The following IGF1R variants were observed in gnomAD, a reference collection of about 807,000 sequenced individuals.
The protein encoded by IGF1R is insulin like growth factor 1 receptor, also known as insulin-like growth factor 1 receptor.
IGF1R carries 44 observed loss-of-function variants against 144.6 expected under a neutral mutation model. That is an observed-to-expected ratio of 0.30 (90% confidence interval 0.24 to 0.39). The LOEUF (loss-of-function observed/expected upper bound fraction) is 0.39, where lower values mean the gene tolerates loss of function less well. Ranked by LOEUF, IGF1R falls within the 10% of genes least tolerant of loss-of-function variation. The probability of loss-of-function intolerance (pLI) is 1.00; values close to 1 mark genes in which losing one functional copy is unlikely to be tolerated. For synonymous variants in IGF1R, 795 were observed against 722.8 expected (o/e 1.10, Z -1.60); for missense variants, 1,355 against 1,833.7 (o/e 0.74, Z 4.77).
chr15:98,741,820 C>T (rs1306245162), intron 2 of IGF1R, among the ~76,000 whole-genome samples: 4 of 152,136 alleles, frequency 2.6e-5, no homozygotes, highest in African/African-American at 9.7e-5. Flanking sequence ...CTGTTTTTCT[C>T]CTCCTCCATG....
chr15:98,850,662 C>T (rs1386359809), intron 2 of IGF1R, among the ~76,000 whole-genome samples: 1 of 152,138 alleles, frequency 6.6e-6, no homozygotes, highest in Non-Finnish European at 1.5e-5. Flanking sequence ...AAAAGCATAA[C>T]TGGCAGAGGA....
chr15:98,674,449 T>C (rs1196985370), intron 1 of IGF1R, among the ~76,000 whole-genome samples: 1 of 152,084 alleles, frequency 6.6e-6, no homozygotes, highest in East Asian at 1.9e-4. Flanking sequence ...TCCAGAAGAG[T>C]CCATTGCCTC....
rs28408055 is a variant in IGF1R, at chr15:98,663,792, C to T, written c.94+14117C>T. 7.3e-3 allele frequency among the ~76,000 whole-genome samples: 1,112 copies of T among 152,294 alleles called. 15 individuals carry two copies. Among genetic ancestry groups the T allele is most frequent in the African/African-American group, 0.025 (1,057 of 41,548 alleles). ...CCCGCTACCCTGAAGAGCTGGCCAA[C>T]GCGGCAGGGCTCTTTCCAGTCCTTA... On this transcript the variant is annotated intron_variant, in intron 1 of 20. Coordinates refer to ENST00000650285, the MANE Select transcript of IGF1R (RefSeq NM_000875.5).
chr15:98,658,489 C>T (rs1431541460), intron 1 of IGF1R, among the ~76,000 whole-genome samples: 2 of 152,110 alleles, frequency 1.3e-5, no homozygotes, highest in East Asian at 3.8e-4. Flanking sequence ...AAACCAAAGT[C>T]AGAAAAATTG....
chr15:98,852,834 C>G (rs73481851), intron 2 of IGF1R, among the ~76,000 whole-genome samples: 2,980 of 152,302 alleles, frequency 0.02, 103 homozygotes, highest in African/African-American at 0.068. Context: ...TTTGACACCC[C>G]GTCCTCCCTT....
chr15:98,695,510 C>A (rs570957097), intron 1 of IGF1R, among the ~76,000 whole-genome samples: 1 of 152,340 alleles, frequency 6.6e-6, no homozygotes, highest in East Asian at 1.9e-4. Flanking sequence ...ATTTAAGCCC[C>A]AGCTCTGCTC....
At chr15:98,785,121 C>T (rs886666263) in intron 2 of IGF1R, among the ~76,000 whole-genome samples, 1 of 152,154 alleles carries the variant, frequency 6.6e-6, no homozygotes, top group African/African-American at 2.4e-5. Context: ...TTTTAAAATT[C>T]AATTTTGCAA....
At chr15:98,857,798 GA>G (rs1210067780) in intron 2 of IGF1R, among the ~76,000 whole-genome samples, 1 of 152,196 alleles carries the variant, frequency 6.6e-6, no homozygotes, top group African/African-American at 2.4e-5. Flanking sequence ...AGGATTAACT[GA>G]CAAAATTCTT....
rs542634107 is a variant in IGF1R at position 98,961,955 on chromosome 15, A to G, written c.*4513A>G. 252 of 233,354 alleles carry G rather than the reference A, an allele frequency of 1.1e-3. No individual in the cohort carries two copies. The East Asian group carries it at 0.014, about 13-fold the overall frequency. The allele number at this position is 233,354 out of a possible 1,614,324, so 14.5% of individuals were successfully genotyped here. A position where few individuals can be genotyped will look rare whatever the true frequency, so the allele number is the denominator to read the frequency against. ...GTCACTGTGGAACTACCAAATGGCG[A>G]GATGCTCGGTGCACATTGGGGTGCT... is the stretch of plus-strand genomic sequence containing the variant. On this transcript the variant is annotated 3_prime_UTR_variant, in exon 21 of 21. Transcript: ENST00000650285.
chr15:98,715,048 C>T (rs543326923), intron 2 of IGF1R, among the ~76,000 whole-genome samples: 2 of 152,094 alleles, frequency 1.3e-5, no homozygotes, highest in Non-Finnish European at 2.9e-5. Flanking sequence ...TCTCGGTTGC[C>T]CTGGAAGGCC....
chr15:98,934,286 G>T (rs1253732819), intron 15 of IGF1R, among the ~76,000 whole-genome samples: 1 of 152,120 alleles, frequency 6.6e-6, no homozygotes, highest in Non-Finnish European at 1.5e-5. Context: ...CATCCAAGAA[G>T]TAGGACCTTA....
At chr15:98,954,317 G>A (rs2016893771) in intron 20 of IGF1R, 1 of 151,786 alleles carries the variant, frequency 6.6e-6, no homozygotes, top group Admixed American at 6.6e-5. Context: ...TGTTCCAGGA[G>A]AAGGGCTGGG....
chr15:98,904,265 T>G (rs7171399), intron 5 of IGF1R, among the ~76,000 whole-genome samples: 54,316 of 151,716 alleles, frequency 0.36, 10,118 homozygotes, highest in East Asian at 0.57. Context: ...TGTTAGCCAG[T>G]ATGGTCTCGA....
At chr15:98,767,311 G>A (rs2055458557) in intron 2 of IGF1R, among the ~76,000 whole-genome samples, 1 of 152,100 alleles carries the variant, frequency 6.6e-6, no homozygotes, top group Non-Finnish European at 1.5e-5. Flanking sequence ...TTCTTTTCCA[G>A]GCAGGCTCTC....
In IGF1R at chr15:98,932,581, C is replaced by T. The variant is rs979161980; in HGVS notation, c.2957-2243C>T. On this transcript the variant is annotated intron_variant, in intron 15 of 20. Coordinates refer to ENST00000650285, the MANE Select transcript of IGF1R (RefSeq NM_000875.5). ...TTTCAACTCCATGTTTTATGGCAGG[C>T]TAAACAGTTAATTCTGATTAAAAGC... Among the ~76,000 whole-genome samples the T allele has an allele frequency of 5.3e-5, 8 of 152,282 alleles. 1 individual carries two copies. In the South Asian group the frequency reaches 1.7e-3, roughly 32 times the overall value.
At chr15:98,791,418 T>A (rs573686736) in intron 2 of IGF1R, among the ~76,000 whole-genome samples, 26 of 152,380 alleles carry the variant, frequency 1.7e-4, no homozygotes, top group African/African-American at 6.3e-4. Flanking sequence ...CATAAAAGGA[T>A]GAAACCAAGA....
chr15:98,737,049 G>A (rs544316759), intron 2 of IGF1R, among the ~76,000 whole-genome samples: 12 of 152,294 alleles, frequency 7.9e-5, no homozygotes, highest in African/African-American at 2.9e-4. Flanking sequence ...TTCTGGAAAC[G>A]ACCCAGTCCC....
intron 12 of IGF1R, among the ~76,000 whole-genome samples, chr15:98,924,288 A>G (rs901575553): frequency 6.6e-6 from 1 of 152,242 alleles, no homozygotes; most frequent in Non-Finnish European, 1.5e-5. Context: ...ATAACTTTTA[A>G]TCCTTCTGGA....
intron 2 of IGF1R, among the ~76,000 whole-genome samples, chr15:98,815,739 AGCTTCTCTAGCTTTG>A (rs571620998): frequency 4.0e-4 from 61 of 152,198 alleles, no homozygotes; most frequent in Middle Eastern, 3.4e-3. Context: ...AGAAATTCAG[AGCTTCTCTAGCTTTG>A]GCTAGAGAAG....
Sources: gnomAD v4.1 joint callset for allele counts (sites outside exome capture counted in the v4.1 genomes callset) on GRCh38, gnomAD v4.1.1 for gene constraint, MANE v1.5 for transcripts, NCBI Gene and HGNC (gene_info 2026-07-23, HGNC 2026-07-21) for gene names.